Variants in CDC14A observed in about 807,000 individuals in gnomAD.
The protein encoded by CDC14A is cell division cycle 14A.
Under a neutral mutation model 74.4 loss-of-function variants are expected in CDC14A, and 53 were observed. The ratio of observed to expected loss-of-function variants is 0.71; its 90% CI spans 0.57 to 0.89. The LOEUF (loss-of-function observed/expected upper bound fraction) is 0.89, where lower values mean the gene tolerates loss of function less well. Ranked by LOEUF, CDC14A falls within the 40% of genes least tolerant of loss-of-function variation. The pLI is 0.00. For synonymous variants in CDC14A, 247 were observed against 258.4 expected, an observed-to-expected ratio of 0.96 and a Z score of 0.43; for missense variants, 646 against 713.7, an observed-to-expected ratio of 0.91 and a Z score of 1.08.
chr1:100,352,720 C>CA lies in CDC14A; in HGVS notation c.-234dup. 7.2e-7 allele frequency: 1 copy of CA among 1,389,532 alleles called. No homozygotes were observed. The highest frequency in any genetic ancestry group is 9.3e-7 in the Non-Finnish European group (1 of 1,076,528). 86.1% of individuals were successfully genotyped at this position (1,389,532 alleles called of 1,614,324 possible). A position where few individuals can be genotyped will look rare whatever the true frequency, so the allele number is the denominator to read the frequency against. ...GAGTCCAAATAGGAGCGGCCACAGCCAGGGGCGTGAGCGCCCCGCGCGGAG... is the reference window on the plus strand; with the variant it reads ...GAGTCCAAATAGGAGCGGCCACAGCCAAGGGGCGTGAGCGCCCCGCGCGGAG... On this transcript the variant is annotated 5_prime_UTR_variant, in exon 1 of 16. An upstream open reading frame in the 5' UTR gains an earlier in-frame stop. Coordinates refer to ENST00000336454, the MANE Select transcript of CDC14A (RefSeq NM_003672.4).
rs562782377 is a variant in CDC14A, at chr1:100,406,059, G to T, written c.309+15235G>T. On this transcript the variant is annotated intron_variant, in intron 4 of 15. Transcript: ENST00000336454. ...GCATCTGTTGTTTTTTGACTTTTTA[G>T]TAATAGCCGTTCTCACTGGCATGAG... Among the ~76,000 whole-genome samples, 7 of 152,184 alleles carry T rather than the reference G, an allele frequency of 4.6e-5. No individual in the cohort carries two copies. The East Asian group carries it at 1.4e-3, about 29-fold the overall frequency.
At chr1:100,393,182 T>A in intron 4 of CDC14A, 3 of 1,591,606 alleles carry the variant, frequency 1.9e-6, no homozygotes, top group Non-Finnish European at 2.6e-6. Context: ...TCAATTTAGA[T>A]CCAGCTGTGA....
At chr1:100,346,468 C>CA (rs991787789) in intron 1 of CDC14A, among the ~76,000 whole-genome samples, 5 of 151,894 alleles carry the variant, frequency 3.3e-5, no homozygotes, top group African/African-American at 9.7e-5. Flanking sequence ...CCTGTCTCTA[C>CA]AAAAAATTAA....
At chr1:100,459,929 C>T (rs758541776) in intron 8 of CDC14A, among the ~76,000 whole-genome samples, 12 of 152,188 alleles carry the variant, frequency 7.9e-5, no homozygotes, top group Non-Finnish European at 1.6e-4. Context: ...CAATTCTAAC[C>T]GCTCATGTTC....
chr1:100,410,079 G>A (rs1441154464), intron 4 of CDC14A, among the ~76,000 whole-genome samples: 3 of 151,988 alleles, frequency 2.0e-5, no homozygotes, highest in Non-Finnish European at 4.4e-5. Flanking sequence ...AGGTGTGGTG[G>A]TGCATATCTG....
At chr1:100,350,557 AT>A (rs1030136534), upstream of CDC14A, among the ~76,000 whole-genome samples, 5 of 152,242 alleles carry the variant, frequency 3.3e-5, no homozygotes, top group Admixed American at 2.0e-4. Context: ...TATATAAAAG[AT>A]TTTTGTAAAT....
At chr1:100,504,583 G>A (rs1383850449) in intron 15 of CDC14A, among the ~76,000 whole-genome samples, 1 of 152,184 alleles carries the variant, frequency 6.6e-6, no homozygotes, top group Non-Finnish European at 1.5e-5. Flanking sequence ...GGTTGCATTT[G>A]GATAGTGAGC....
chr1:100,497,683 C>T (rs1317246745), intron 13 of CDC14A, among the ~76,000 whole-genome samples: 1 of 152,122 alleles, frequency 6.6e-6, no homozygotes, highest in East Asian at 1.9e-4. Context: ...GGAATGAATA[C>T]CAGTGGCAAA....
At chr1:100,489,417 C>T (rs1020112369) in intron 11 of CDC14A, among the ~76,000 whole-genome samples, 2 of 152,146 alleles carry the variant, frequency 1.3e-5, no homozygotes, top group African/African-American at 4.8e-5. Context: ...CTTTCCACAG[C>T]CTTTCCTATA....
chr1:100,421,008 A>G (rs1349847408), intron 4 of CDC14A, among the ~76,000 whole-genome samples: 1 of 152,196 alleles, frequency 6.6e-6, no homozygotes. Context: ...TATATGTTAA[A>G]TGCTATATTA....
intron 4 of CDC14A, among the ~76,000 whole-genome samples, chr1:100,410,660 C>A (rs1418433726): frequency 6.6e-6 from 1 of 152,150 alleles, no homozygotes; most frequent in African/African-American, 2.4e-5. Flanking sequence ...TTTGGAATAT[C>A]CTGGCATTGG....
At chr1:100,349,140 G>A (rs1650697068), upstream of CDC14A, among the ~76,000 whole-genome samples, 1 of 151,998 alleles carries the variant, frequency 6.6e-6, no homozygotes, top group Admixed American at 6.5e-5. Context: ...AGGTTGCAAT[G>A]AGCCCAGATG....
intron 4 of CDC14A, chr1:100,393,642 C>A: frequency 1.7e-6 from 1 of 601,562 alleles, no homozygotes; most frequent in South Asian, 1.5e-5. Context: ...GGCTTCATAA[C>A]CTTGATCAAA....
chr1:100,420,057 C>CCATATATATATATAT (rs1553180503), intron 4 of CDC14A, among the ~76,000 whole-genome samples: 11 of 30,576 alleles, frequency 3.6e-4, no homozygotes, highest in African/African-American at 1.4e-3. Flanking sequence ...CACACACACA[C>CCATATATATATATAT]ACACACATAT....
At chr1:100,397,646 C>T (rs1158498240) in intron 4 of CDC14A, among the ~76,000 whole-genome samples, 1 of 152,128 alleles carries the variant, frequency 6.6e-6, no homozygotes, top group African/African-American at 2.4e-5. Context: ...ATAAGTGTGA[C>T]TGTATAGCTT....
At chr1:100,415,695 T>C (rs1445631876) in intron 4 of CDC14A, among the ~76,000 whole-genome samples, 3 of 152,236 alleles carry the variant, frequency 2.0e-5, no homozygotes, top group Admixed American at 1.3e-4. Flanking sequence ...CTATTTAGCA[T>C]GATAGATTTA....
At chr1:100,414,469 G>A (rs473072) in intron 4 of CDC14A, among the ~76,000 whole-genome samples, 132,256 of 152,250 alleles carry the variant, frequency 0.87, 57,769 homozygotes, top group Non-Finnish European at 0.91. Flanking sequence ...GTGGATCTGC[G>A]TCACCATCTT....
chr1:100,348,629 C>T (rs1650646793), upstream of CDC14A, among the ~76,000 whole-genome samples: 2 of 152,218 alleles, frequency 1.3e-5, no homozygotes, highest in Admixed American at 1.3e-4. Flanking sequence ...TAATATAAGA[C>T]AATGTAGAAG....
At chr1:100,469,116 A>G (rs1487912444) in intron 10 of CDC14A, among the ~76,000 whole-genome samples, 1 of 152,100 alleles carries the variant, frequency 6.6e-6, no homozygotes, top group Non-Finnish European at 1.5e-5. Flanking sequence ...TCCAATTTAA[A>G]TATAATTATT....
Sources: allele counts gnomAD v4.1 joint callset (sites outside exome capture counted in the v4.1 genomes callset), GRCh38; gene constraint gnomAD v4.1.1; transcripts MANE v1.5; gene names NCBI Gene and HGNC (gene_info 2026-07-23, HGNC 2026-07-21).